Variants in HEMK2 observed in about 807,000 individuals in gnomAD.
HEMK2 encodes HemK methyltransferase 2, ETF1 glutamine and histone H4 lysine.
chr21:28,638,858 C>G, the HEMK2 span, among the ~76,000 whole-genome samples: 136 of 152,344 alleles, frequency 8.9e-4, no homozygotes, highest in Middle Eastern at 3.4e-3. Context: ...GATTCTAGGA[C>G]AAGCAAGAGT....
At chr21:28,863,407 CTTTTATATATATATAT>C in the HEMK2 span, among the ~76,000 whole-genome samples, 6 of 66,468 alleles carry the variant, frequency 9.0e-5, no homozygotes, top group African/African-American at 4.4e-4. Flanking sequence ...AATAAACTCC[CTTTTATATATATATAT>C]ATATATATAT....
the HEMK2 span, among the ~76,000 whole-genome samples, chr21:28,727,001 G>A: frequency 6.6e-6 from 1 of 151,994 alleles, no homozygotes; most frequent in African/African-American, 2.4e-5. Flanking sequence ...CTCAATATCA[G>A]TACTAGTTCA....
At chr21:28,619,583 CATTGGCT>C in the HEMK2 span, among the ~76,000 whole-genome samples, 3 of 152,162 alleles carry the variant, frequency 2.0e-5, no homozygotes, top group Non-Finnish European at 4.4e-5. Flanking sequence ...CTTTTCTAGG[CATTGGCT>C]ACCATTAAAA....
chr21:28,611,037 C>A, the HEMK2 span, among the ~76,000 whole-genome samples: 1 of 152,138 alleles, frequency 6.6e-6, no homozygotes, highest in Non-Finnish European at 1.5e-5. Context: ...CTATACCCTA[C>A]AACAAAAATG....
the HEMK2 span, among the ~76,000 whole-genome samples, chr21:28,769,121 T>G: frequency 6.6e-6 from 1 of 152,032 alleles, no homozygotes; most frequent in South Asian, 2.1e-4. Flanking sequence ...CAGTTGAATT[T>G]TACAAACTGG....
the HEMK2 span, among the ~76,000 whole-genome samples, chr21:28,841,625 C>G: frequency 6.7e-6 from 1 of 148,472 alleles, no homozygotes; most frequent in East Asian, 2.0e-4. Context: ...TATGAGGACA[C>G]AAAGGCATAA....
At chr21:28,589,866 G>C in the HEMK2 span, among the ~76,000 whole-genome samples, 1 of 152,150 alleles carries the variant, frequency 6.6e-6, no homozygotes, top group South Asian at 2.1e-4. Flanking sequence ...TTTCACACCT[G>C]ACCTCATGAG....
the HEMK2 span, among the ~76,000 whole-genome samples, chr21:28,745,149 G>C: frequency 2.0e-5 from 3 of 152,162 alleles, no homozygotes; most frequent in Non-Finnish European, 1.5e-5. Flanking sequence ...TGACTGCTGC[G>C]AGTGGGAAGC....
At chr21:28,690,293 C>T in the HEMK2 span, among the ~76,000 whole-genome samples, 4 of 152,120 alleles carry the variant, frequency 2.6e-5, no homozygotes, top group Non-Finnish European at 5.9e-5. Context: ...AGATAATAGC[C>T]ATCAATAAAA....
At chr21:28,717,314 C>T in the HEMK2 span, among the ~76,000 whole-genome samples, 1 of 151,980 alleles carries the variant, frequency 6.6e-6, no homozygotes, top group Non-Finnish European at 1.5e-5. Flanking sequence ...TATTACTGGT[C>T]TGCTCAGGGT....
the HEMK2 span, among the ~76,000 whole-genome samples, chr21:28,784,456 T>C: frequency 6.6e-6 from 1 of 151,916 alleles, no homozygotes; most frequent in African/African-American, 2.4e-5. Flanking sequence ...CTTTTGTGTC[T>C]AGCTCAGGGA....
chr21:28,759,372 A>C, the HEMK2 span, among the ~76,000 whole-genome samples: 3 of 152,146 alleles, frequency 2.0e-5, no homozygotes, highest in Non-Finnish European at 4.4e-5. Context: ...TCCCATTTGG[A>C]ACAGCTGTAT....
the HEMK2 span, among the ~76,000 whole-genome samples, chr21:28,876,794 A>T: frequency 1.3e-5 from 2 of 152,102 alleles, no homozygotes; most frequent in African/African-American, 4.8e-5. Flanking sequence ...TCAGTTTTTT[A>T]GTTGATTGGC....
At chr21:28,688,408 A>G in the HEMK2 span, among the ~76,000 whole-genome samples, 9 of 152,212 alleles carry the variant, frequency 5.9e-5, no homozygotes, top group African/African-American at 1.2e-4. Context: ...ACAAAAATGC[A>G]TTAACTTTTA....
the HEMK2 span, among the ~76,000 whole-genome samples, chr21:28,848,671 A>AGT: frequency 0.031 from 4,745 of 152,284 alleles, 115 homozygotes; most frequent in Non-Finnish European, 0.045. Flanking sequence ...TTAGGCATCT[A>AGT]TTGATAAAAC....
chr21:28,746,003 C>T, the HEMK2 span, among the ~76,000 whole-genome samples: 5 of 152,208 alleles, frequency 3.3e-5, no homozygotes, highest in East Asian at 5.8e-4. Flanking sequence ...AAAAAGTGGT[C>T]GGCATTTAGT....
At chr21:28,722,408 A>G in the HEMK2 span, among the ~76,000 whole-genome samples, 12 of 152,248 alleles carry the variant, frequency 7.9e-5, no homozygotes, top group Admixed American at 2.6e-4. Flanking sequence ...CTAAATAAAC[A>G]GACTTAGGAT....
chr21:28,606,666 T>G, the HEMK2 span, among the ~76,000 whole-genome samples: 1 of 152,242 alleles, frequency 6.6e-6, no homozygotes. Flanking sequence ...TATTCATTCA[T>G]TTATTTCAAG....
At chr21:28,670,642 G>T in the HEMK2 span, among the ~76,000 whole-genome samples, 1 of 152,124 alleles carries the variant, frequency 6.6e-6, no homozygotes, top group Non-Finnish European at 1.5e-5. Context: ...GTATTAGTCC[G>T]TTTTCACACT....
Sources: gnomAD v4.1 joint callset for allele counts (sites outside exome capture counted in the v4.1 genomes callset) on GRCh38, gnomAD v4.1.1 for gene constraint, MANE v1.5 for transcripts, NCBI Gene and HGNC (gene_info 2026-07-23, HGNC 2026-07-21) for gene names.